The following ARSB variants were observed in gnomAD, a reference collection of about 807,000 sequenced individuals.
The protein encoded by ARSB is N-acetylgalactosamine-4-sulfatase.
Under a neutral mutation model 50.9 loss-of-function variants are expected in ARSB, and 41 were observed. That is an observed-to-expected ratio of 0.81 (90% confidence interval 0.63 to 1.04). ARSB has a LOEUF of 1.04. Ranked by LOEUF, ARSB falls within the 50% of genes least tolerant of loss-of-function variation. The pLI is 0.00. For missense variants in ARSB, 672 were observed against 693.3 expected (o/e 0.97, Z 0.35); for synonymous variants, 269 against 284.8 (o/e 0.94, Z 0.56).
At chr5:78,857,017 T>C (rs892425875) in intron 5 of ARSB, among the ~76,000 whole-genome samples, 20 of 152,176 alleles carry the variant, frequency 1.3e-4, no homozygotes, top group African/African-American at 4.3e-4. Context: ...TACAGAGTTG[T>C]TATGAGAATT....
chr5:78,919,222 C>T (rs1328920727), intron 4 of ARSB, among the ~76,000 whole-genome samples: 1 of 152,224 alleles, frequency 6.6e-6, no homozygotes, highest in East Asian at 1.9e-4. Flanking sequence ...ATGATCATGA[C>T]AGGGCAAGCT....
intron 4 of ARSB, among the ~76,000 whole-genome samples, chr5:78,940,316 C>T (rs1290845173): frequency 2.0e-5 from 3 of 152,098 alleles, no homozygotes; most frequent in South Asian, 2.1e-4. Context: ...TTGGCTTTTG[C>T]TGCCATTGCT....
At chr5:78,922,837 T>C (rs945414035) in intron 4 of ARSB, among the ~76,000 whole-genome samples, 2 of 151,822 alleles carry the variant, frequency 1.3e-5, no homozygotes, top group Non-Finnish European at 2.9e-5. Flanking sequence ...TTGACCAGGA[T>C]GGTCTTGATC....
At chr5:78,853,302 G>C (rs1420999682) in intron 5 of ARSB, among the ~76,000 whole-genome samples, 3 of 152,234 alleles carry the variant, frequency 2.0e-5, no homozygotes, top group Non-Finnish European at 4.4e-5. Context: ...CAGGTCTGTT[G>C]GAGTTTGCTA....
intron 6 of ARSB, among the ~76,000 whole-genome samples, chr5:78,822,046 G>C (rs940257167): frequency 6.6e-6 from 1 of 152,330 alleles, no homozygotes; most frequent in Admixed American, 6.5e-5. Context: ...GAAGCAAAAA[G>C]ACCTGAAATG....
At chr5:78,808,640 G>A (rs1743676269) in intron 6 of ARSB, among the ~76,000 whole-genome samples, 1 of 152,084 alleles carries the variant, frequency 6.6e-6, no homozygotes, top group Non-Finnish European at 1.5e-5. Context: ...ACACCTCCCC[G>A]CACACAGAAG....
intron 3 of ARSB, among the ~76,000 whole-genome samples, chr5:78,960,800 C>G (rs1483466473): frequency 1.3e-5 from 2 of 152,056 alleles, no homozygotes; most frequent in Admixed American, 1.3e-4. Flanking sequence ...CCTAACCTCA[C>G]AATCCACCCG....
chr5:78,861,423 T>C (rs1300870768), intron 5 of ARSB, among the ~76,000 whole-genome samples: 2 of 151,706 alleles, frequency 1.3e-5, no homozygotes, highest in Non-Finnish European at 2.9e-5. Context: ...CAAGATCAAG[T>C]TGGCTTCATC....
intron 1 of ARSB, 72 bp downstream of exon 1, chr5:78,984,865 G>T: frequency 8.4e-7 from 1 of 1,195,384 alleles, no homozygotes; most frequent in Non-Finnish European, 1.0e-6. Context: ...GGCCTCAAGG[G>T]CCGGGTAGGA....
chr5:78,888,663 G>A (rs1748147745), intron 4 of ARSB, among the ~76,000 whole-genome samples: 1 of 152,178 alleles, frequency 6.6e-6, no homozygotes, highest in African/African-American at 2.4e-5. Flanking sequence ...GGAGATGATG[G>A]GGACAAGGGT....
intron 4 of ARSB, among the ~76,000 whole-genome samples, chr5:78,901,925 G>A (rs1748829027): frequency 6.6e-6 from 1 of 152,252 alleles, no homozygotes; most frequent in Non-Finnish European, 1.5e-5. Context: ...TAAATTGCTG[G>A]TGGGAGTGTA....
chr5:78,896,126 C>T (rs1161341582), intron 4 of ARSB, among the ~76,000 whole-genome samples: 2 of 152,246 alleles, frequency 1.3e-5, no homozygotes, highest in Non-Finnish European at 2.9e-5. Context: ...CTTCTCACAC[C>T]ACAGTGTGGA....
rs892144165 is a variant in ARSB at position 78,868,082 on chromosome 5, T to G, written c.1142+17502A>C. 1.2e-4 allele frequency among the ~76,000 whole-genome samples: 17 copies of G among 142,200 alleles called. No homozygotes were observed. In the East Asian group the frequency reaches 1.4e-3, roughly 12 times the overall value. The allele number at this position is 142,200 out of a possible 152,430, so 93.3% of individuals were successfully genotyped here. On this transcript the variant is annotated intron_variant, in intron 5 of 7. Transcript: ENST00000264914. ...TATCAGCAATGGAAGATGAAATGAA[T>G]GAAATGAAGCAAGAAGGGACGTTTA... is the stretch of plus-strand genomic sequence containing the variant.
rs114500293 is a variant in ARSB, at chr5:78,958,867, T to C, written c.691-3365A>G. 3.1e-3 allele frequency among the ~76,000 whole-genome samples: 472 copies of C among 152,342 alleles called. 3 individuals are homozygous for C. The highest frequency in any genetic ancestry group is 0.011 in the African/African-American group (448 of 41,586). On this transcript the variant is annotated intron_variant, in intron 3 of 7. Transcript: ENST00000264914. ...AACACCATGACTGTTACATCTTCAG[T>C]GTGGAATGTTAAACATACCTTTCCC...
At chr5:78,946,061 G>C (rs1751214722) in intron 4 of ARSB, among the ~76,000 whole-genome samples, 1 of 152,220 alleles carries the variant, frequency 6.6e-6, no homozygotes. Flanking sequence ...TGCAATGAAA[G>C]ACGGAGTGAA....
chr5:78,873,498 ATTT>A (rs71001133), intron 5 of ARSB, among the ~76,000 whole-genome samples: 2 of 93,214 alleles, frequency 2.1e-5, no homozygotes, highest in African/African-American at 3.9e-5. Context: ...TAAAACTGTA[ATTT>A]TTTTTTTTTT....
chr5:78,891,801 T>G (rs982880478), intron 4 of ARSB, among the ~76,000 whole-genome samples: 4 of 152,182 alleles, frequency 2.6e-5, no homozygotes, highest in Non-Finnish European at 5.9e-5. Context: ...TGCCAGAAGT[T>G]AAGGAAAACT....
At chr5:78,835,335 G>A (rs1295606606) in intron 6 of ARSB, among the ~76,000 whole-genome samples, 3 of 152,118 alleles carry the variant, frequency 2.0e-5, no homozygotes, top group Non-Finnish European at 4.4e-5. Flanking sequence ...CGGGGGAGGT[G>A]TAGCTGCTGA....
intron 4 of ARSB, among the ~76,000 whole-genome samples, chr5:78,931,330 T>C (rs1002188528): frequency 6.6e-6 from 1 of 152,232 alleles, no homozygotes; most frequent in Non-Finnish European, 1.5e-5. Context: ...TGCATCACTT[T>C]TGTTTTTTCA....
Sources: gnomAD v4.1 joint callset for allele counts (sites outside exome capture counted in the v4.1 genomes callset) on GRCh38, gnomAD v4.1.1 for gene constraint, MANE v1.5 for transcripts, NCBI Gene and HGNC (gene_info 2026-07-23, HGNC 2026-07-21) for gene names.